The following SLCO1B1 variants were observed in gnomAD, a reference collection of about 807,000 sequenced individuals.
SLCO1B1 encodes the protein solute carrier organic anion transporter family member 1B1.
SLCO1B1 carries 81 observed loss-of-function variants against 70.1 expected under a neutral mutation model. The ratio of observed to expected loss-of-function variants is 1.16; its 90% CI spans 0.97 to 1.39. The LOEUF (loss-of-function observed/expected upper bound fraction) is 1.39, where lower values mean the gene tolerates loss of function less well. Ranked by LOEUF, SLCO1B1 falls within the 40% of genes most tolerant of loss-of-function variation. The probability of loss-of-function intolerance (pLI) is 0.00; values close to 1 mark genes in which losing one functional copy is unlikely to be tolerated. For synonymous variants in SLCO1B1, 283 were observed against 271.5 expected (o/e 1.04, Z -0.42); for missense variants, 895 against 799.6 (o/e 1.12, Z -1.44).
At chr12:21,233,571 C>CA (rs60313934) in intron 14 of SLCO1B1, among the ~76,000 whole-genome samples, 5,250 of 137,542 alleles carry the variant, frequency 0.038, 326 homozygotes, top group African/African-American at 0.13. Flanking sequence ...AACAAACAAA[C>CA]AAAAAAAAAA....
intron 11 of SLCO1B1, among the ~76,000 whole-genome samples, chr12:21,208,806 A>G (rs1941243965): frequency 6.6e-6 from 1 of 151,922 alleles, no homozygotes; most frequent in Non-Finnish European, 1.5e-5. Context: ...TTCTTTCATC[A>G]GGGTTTGTAT....
chr12:21,217,195 C>T lies in SLCO1B1; in HGVS notation c.1574C>T (p.Pro525Leu), dbSNP rs775965945. Reference protein sequence around the residue: ...RNYSAHLGECPRDDACTRKFY... With the variant: ...RNYSAHLGECLRDDACTRKFY... ...TACTCAGCCCATTTGGGTGAATGCCCAAGAGATGATGCTTGTACAAGGAAA... is the reference window on the plus strand; with the variant it reads ...TACTCAGCCCATTTGGGTGAATGCCTAAGAGATGATGCTTGTACAAGGAAA... The change falls in exon 12 of 15, where the codon CCA (proline) becomes CTA (leucine). Residue 525 changes from proline (P) to leucine (L), a missense_variant. Pro to Leu is a moderately conservative substitution (Grantham distance 98). Transcript: ENST00000256958. 1.9e-6 allele frequency: 3 copies of T among 1,613,552 alleles called. No homozygotes were observed. The African/African-American group carries it at 4.0e-5, about 22-fold the overall frequency.
At position 21,141,875 on chromosome 12, in the gene SLCO1B1, A is replaced by G. The variant is rs529508870; in HGVS notation, c.84+217A>G. On this transcript the variant is annotated intron_variant, in intron 2 of 14. Coordinates refer to ENST00000256958, the MANE Select transcript of SLCO1B1 (RefSeq NM_006446.5). ...CGAAATTTTTGATGCTTAATAGTTT[A>G]TCAATGTAGAAAATTTAGAAATATT... Among the ~76,000 whole-genome samples, 3 of 151,986 alleles carry G rather than the reference A, an allele frequency of 2.0e-5. No homozygotes were observed. In the East Asian group the frequency reaches 5.8e-4, roughly 29 times the overall value.
chr12:21,220,575 A>C (rs535092406), intron 12 of SLCO1B1, among the ~76,000 whole-genome samples: 1 of 152,286 alleles, frequency 6.6e-6, no homozygotes, highest in South Asian at 2.1e-4. Context: ...TCAGTTCTCA[A>C]TCACTCTAAT....
intron 7 of SLCO1B1, among the ~76,000 whole-genome samples, chr12:21,194,410 T>TATC (rs1941068587): frequency 6.6e-6 from 1 of 151,762 alleles, no homozygotes; most frequent in Non-Finnish European, 1.5e-5. Context: ...AATTATTTAT[T>TATC]ATTATTATTA....
intron 2 of SLCO1B1, among the ~76,000 whole-genome samples, chr12:21,162,368 A>G (rs1940630490): frequency 6.6e-6 from 1 of 152,310 alleles, no homozygotes; most frequent in African/African-American, 2.4e-5. Flanking sequence ...TTACAAAGAT[A>G]TTCATTGATA....
intron 1 of SLCO1B1, among the ~76,000 whole-genome samples, chr12:21,131,910 A>G (rs987782674): frequency 7.2e-5 from 11 of 152,230 alleles, no homozygotes; most frequent in African/African-American, 2.6e-4. Flanking sequence ...ATATGTATAC[A>G]TGTGCCATGT....
chr12:21,181,772 CT>C (rs1313591562), intron 7 of SLCO1B1, among the ~76,000 whole-genome samples: 1 of 151,884 alleles, frequency 6.6e-6, no homozygotes. Context: ...TATGCACAGA[CT>C]TTTTTCAATA....
chr12:21,196,286 C>A (rs1489165450), intron 7 of SLCO1B1, among the ~76,000 whole-genome samples: 1 of 151,954 alleles, frequency 6.6e-6, no homozygotes, highest in African/African-American at 2.4e-5. Flanking sequence ...TATTTTATAC[C>A]TGTTAAAAGA....
chr12:21,214,321 G>GT, intron 11 of SLCO1B1, among the ~76,000 whole-genome samples: 1 of 151,254 alleles, frequency 6.6e-6, no homozygotes, highest in African/African-American at 2.5e-5. Flanking sequence ...ATACCCTGCC[G>GT]TGTGAGGTGT....
At chr12:21,233,857 T>A (rs1830068553) in intron 14 of SLCO1B1, among the ~76,000 whole-genome samples, 1 of 152,182 alleles carries the variant, frequency 6.6e-6, no homozygotes, top group Non-Finnish European at 1.5e-5. Flanking sequence ...GGCCTCTGGA[T>A]CCATCACCAG....
At chr12:21,137,030 T>A (rs891220718) in intron 1 of SLCO1B1, among the ~76,000 whole-genome samples, 1 of 152,192 alleles carries the variant, frequency 6.6e-6, no homozygotes, top group Admixed American at 6.5e-5. Flanking sequence ...CCTTTCTGTT[T>A]GTTAGTTTTC....
At chr12:21,133,229 ACTGTAGC>A (rs1055365588) in intron 1 of SLCO1B1, among the ~76,000 whole-genome samples, 2 of 152,024 alleles carry the variant, frequency 1.3e-5, no homozygotes, top group African/African-American at 4.8e-5. Flanking sequence ...TGTTTTGGTT[ACTGTAGC>A]CTTGTAGTAT....
At chr12:21,138,173 G>A (rs1264790869) in intron 1 of SLCO1B1, among the ~76,000 whole-genome samples, 4 of 152,144 alleles carry the variant, frequency 2.6e-5, no homozygotes. Flanking sequence ...CTCCTCAGTT[G>A]CATAAGTACA....
intron 14 of SLCO1B1, among the ~76,000 whole-genome samples, chr12:21,231,651 A>G (rs964874844): frequency 2.6e-5 from 4 of 152,072 alleles, no homozygotes; most frequent in East Asian, 3.9e-4. Flanking sequence ...ATACACACAC[A>G]GACACACACA....
At chr12:21,221,145 C>A (rs1214663686) in intron 12 of SLCO1B1, among the ~76,000 whole-genome samples, 1 of 152,050 alleles carries the variant, frequency 6.6e-6, no homozygotes. Context: ...ACAATCTGGG[C>A]ATCAAAGGAA....
chr12:21,226,150 C>T (rs1469424171), intron 14 of SLCO1B1, among the ~76,000 whole-genome samples: 1 of 152,150 alleles, frequency 6.6e-6, no homozygotes, highest in African/African-American at 2.4e-5. Flanking sequence ...TGCAGTGGCC[C>T]ATGCCTGTAA....
intron 2 of SLCO1B1, among the ~76,000 whole-genome samples, chr12:21,163,000 C>G (rs1316937981): frequency 6.6e-6 from 1 of 152,000 alleles, no homozygotes; most frequent in Admixed American, 6.6e-5. Context: ...AAATATTTTT[C>G]AAAAGCTGTA....
intron 1 of SLCO1B1, among the ~76,000 whole-genome samples, chr12:21,134,313 G>C (rs1186275573): frequency 1.3e-5 from 2 of 152,104 alleles, no homozygotes; most frequent in Non-Finnish European, 2.9e-5. Flanking sequence ...TTGTTTCTCT[G>C]CCAGGCTTTG....
Sources: allele counts gnomAD v4.1 joint callset (sites outside exome capture counted in the v4.1 genomes callset), GRCh38; gene constraint gnomAD v4.1.1; transcripts MANE v1.5; gene names NCBI Gene and HGNC (gene_info 2026-07-23, HGNC 2026-07-21).